The following C12orf42 variants were observed in gnomAD, a reference collection of about 807,000 sequenced individuals.
The protein encoded by C12orf42 is chromosome 12 open reading frame 42.
A neutral mutation model predicts 21.6 loss-of-function variants in C12orf42; 25 were observed. That is an observed-to-expected ratio of 1.16 (90% CI 0.84 to 1.62). C12orf42 has a LOEUF of 1.62. Ranked by LOEUF, C12orf42 falls within the 40% of genes most tolerant of loss-of-function variation. C12orf42 has a pLI of 0.00. For synonymous variants in C12orf42, 174 were observed against 175.0 expected, an observed-to-expected ratio of 0.99 and a Z score of 0.05; for missense variants, 483 against 459.3, an observed-to-expected ratio of 1.05 and a Z score of -0.47.
At chr12:103,059,452 A>G in the C12orf42 span, among the ~76,000 whole-genome samples, 1 of 152,178 alleles carries the variant, frequency 6.6e-6, no homozygotes, top group African/African-American at 2.4e-5. Flanking sequence ...ATAAAAAAAG[A>G]GGAACTCCTC....
the C12orf42 span, among the ~76,000 whole-genome samples, chr12:103,086,521 T>C: frequency 6.7e-6 from 1 of 150,030 alleles, no homozygotes; most frequent in South Asian, 2.2e-4. Context: ...TACGAGATAA[T>C]CTTATAAGTT....
the C12orf42 span, among the ~76,000 whole-genome samples, chr12:103,225,069 G>T: frequency 6.6e-6 from 1 of 152,112 alleles, no homozygotes; most frequent in Non-Finnish European, 1.5e-5. Context: ...TAGGTAATTT[G>T]CTGAGCCTAA....
chr12:103,338,791 GAAA>G (rs1251803606), intron 4 of C12orf42, among the ~76,000 whole-genome samples: 2 of 152,250 alleles, frequency 1.3e-5, no homozygotes, highest in Middle Eastern at 3.4e-3. Context: ...TGCATTTGCA[GAAA>G]GGGGTGGGAT....
the C12orf42 span, among the ~76,000 whole-genome samples, chr12:103,530,504 C>T: frequency 6.6e-6 from 1 of 152,290 alleles, no homozygotes; most frequent in Non-Finnish European, 1.5e-5. Flanking sequence ...TGTGTTGCCC[C>T]AGCTTCTCAT....
intron 2 of C12orf42, among the ~76,000 whole-genome samples, chr12:103,419,606 C>T (rs934611818): frequency 2.6e-5 from 4 of 152,144 alleles, no homozygotes; most frequent in African/African-American, 9.7e-5. Flanking sequence ...TAAACAGAGT[C>T]CCCCATGCTG....
At chr12:103,385,850 T>G (rs1002286745) in intron 3 of C12orf42, among the ~76,000 whole-genome samples, 4 of 152,208 alleles carry the variant, frequency 2.6e-5, no homozygotes, top group African/African-American at 9.6e-5. Context: ...AAATCAACCT[T>G]TGGTGATGGA....
At chr12:103,286,307 A>G (rs919967311) in intron 4 of C12orf42, among the ~76,000 whole-genome samples, 5 of 151,322 alleles carry the variant, frequency 3.3e-5, no homozygotes, top group African/African-American at 7.3e-5. Context: ...GTAAAAATAA[A>G]TAAATAAATG....
chr12:103,448,385 A>G (rs537377449), intron 2 of C12orf42, among the ~76,000 whole-genome samples: 1 of 152,252 alleles, frequency 6.6e-6, no homozygotes, highest in East Asian at 1.9e-4. Flanking sequence ...TGGCTTAGAC[A>G]AAGACTTCAT....
chr12:103,260,989 A>G (rs2034870795), intron 10 of C12orf42, among the ~76,000 whole-genome samples: 1 of 152,026 alleles, frequency 6.6e-6, no homozygotes, highest in African/African-American at 2.4e-5. Context: ...TGCACTTAGG[A>G]TAAATATAAC....
At chr12:103,421,937 A>G (rs971808498) in intron 2 of C12orf42, among the ~76,000 whole-genome samples, 1 of 152,222 alleles carries the variant, frequency 6.6e-6, no homozygotes, top group Non-Finnish European at 1.5e-5. Flanking sequence ...AATAATAAGA[A>G]TAAGATGGTC....
intron 4 of C12orf42, among the ~76,000 whole-genome samples, chr12:103,364,274 T>C (rs943201365): frequency 6.6e-6 from 1 of 152,048 alleles, no homozygotes; most frequent in African/African-American, 2.4e-5. Context: ...TCGATAGAAA[T>C]TTAAAAATTC....
At chr12:103,417,542 C>T (rs2049466185) in intron 2 of C12orf42, among the ~76,000 whole-genome samples, 1 of 152,154 alleles carries the variant, frequency 6.6e-6, no homozygotes, top group Non-Finnish European at 1.5e-5. Context: ...TTACACTTTC[C>T]CATGTGTATG....
intron 2 of C12orf42, among the ~76,000 whole-genome samples, chr12:103,449,786 T>A (rs1951820808): frequency 7.9e-5 from 12 of 151,586 alleles, no homozygotes; most frequent in Admixed American, 7.2e-4. Flanking sequence ...AACTTTAGAA[T>A]TTTTTTCTAG....
At chr12:103,554,848 G>A in the C12orf42 span, among the ~76,000 whole-genome samples, 1 of 152,148 alleles carries the variant, frequency 6.6e-6, no homozygotes, top group Non-Finnish European at 1.5e-5. Context: ...CCTTCCAGCA[G>A]GCCCCATCTC....
the C12orf42 span, among the ~76,000 whole-genome samples, chr12:103,184,854 T>A: frequency 6.6e-6 from 1 of 151,938 alleles, no homozygotes; most frequent in Non-Finnish European, 1.5e-5. Context: ...ATGACTATTG[T>A]CTTTGTAAGG....
intron 4 of C12orf42, among the ~76,000 whole-genome samples, chr12:103,334,282 C>T (rs1405631937): frequency 6.6e-6 from 1 of 152,074 alleles, no homozygotes; most frequent in East Asian, 1.9e-4. Flanking sequence ...CTTAACTTGC[C>T]TATGTGAGAT....
At chr12:103,440,156 G>A (rs1450598421) in intron 2 of C12orf42, among the ~76,000 whole-genome samples, 1 of 142,642 alleles carries the variant, frequency 7.0e-6, no homozygotes, top group African/African-American at 2.6e-5. Flanking sequence ...ACTATCGCAA[G>A]AACAAAAAAC....
chr12:103,168,039 T>G, the C12orf42 span: 1 of 455,744 alleles, frequency 2.2e-6, no homozygotes, highest in African/African-American at 2.0e-5. Flanking sequence ...TCTTTATAGG[T>G]GAGGGAGAAT....
the C12orf42 span, among the ~76,000 whole-genome samples, chr12:103,222,044 G>A: frequency 5.9e-5 from 9 of 152,182 alleles, no homozygotes; most frequent in Non-Finnish European, 1.2e-4. Flanking sequence ...TAAGCCATAG[G>A]AAGGGCAAGA....
Sources: allele counts gnomAD v4.1 joint callset (sites outside exome capture counted in the v4.1 genomes callset), GRCh38; gene constraint gnomAD v4.1.1; transcripts MANE v1.5; gene names NCBI Gene and HGNC (gene_info 2026-07-23, HGNC 2026-07-21).